TG: variants seen among roughly 807,000 people sequenced by gnomAD.
TG encodes thyroglobulin.
A neutral mutation model predicts 324.7 loss-of-function variants in TG; 270 were observed. That is an observed-to-expected ratio of 0.83 (90% CI 0.75 to 0.92). TG has a LOEUF of 0.92. TG is among the 40% of genes least tolerant of loss of function. The probability of loss-of-function intolerance (pLI) is 0.00; values close to 1 mark genes in which losing one functional copy is unlikely to be tolerated. For synonymous variants in TG, 1,401 were observed against 1,327.0 expected, an observed-to-expected ratio of 1.06 and a Z score of -1.21; for missense variants, 3,591 against 3,456.4, an observed-to-expected ratio of 1.04 and a Z score of -0.98.
chr8:132,882,048 A>G (rs568914924), intron 6 of TG, 79 bp downstream of exon 6: 1 of 1,068,344 alleles, frequency 9.4e-7, no homozygotes, highest in East Asian at 2.4e-5. Context: ...CATTGCTTGT[A>G]AAGCACAGCT....
At position 132,882,557 on chromosome 8, in the gene TG, G is replaced by C. The variant is rs758249329; in HGVS notation, c.834G>C (p.Arg278=). 1 of 1,614,184 alleles carries C rather than the reference G, an allele frequency of 6.2e-7. No individual in the cohort carries two copies. Among genetic ancestry groups the C allele is most frequent in the Non-Finnish European group, 8.5e-7 (1 of 1,180,038 alleles). The change falls in exon 7 of 48, where the codon CGG becomes CGC. Residue 278 remains arginine (R), a synonymous_variant. Transcript: ENST00000220616. The stretch of plus-strand genomic sequence containing the variant: ...CCTTCACTGAAACCACCCTGTACCG[G>C]ATACTGCAGAGACGGTTCCTCGCAG... ...PSTFTETTLY[R]ILQRRFLAVQ...
At chr8:132,944,268 C>G (rs115400286) in intron 26 of TG, among the ~76,000 whole-genome samples, 3,715 of 152,166 alleles carry the variant, frequency 0.024, 147 homozygotes, top group African/African-American at 0.085. Flanking sequence ...GCATTTAAGC[C>G]TGTATTATTA....
At position 132,893,769 on chromosome 8, in the gene TG, C is replaced by T. The variant is rs1239146438; in HGVS notation, c.2841C>T (p.Asn947=). The T allele has an allele frequency of 6.2e-7, 1 of 1,613,848 alleles. No individual in the cohort carries two copies. The highest frequency in any genetic ancestry group is 1.3e-5 in the African/African-American group (1 of 74,852). Residue 947 remains asparagine, a synonymous_variant, in exon 11 of 48, where the codon AAC becomes AAT. Coordinates refer to ENST00000220616, the MANE Select transcript of TG (RefSeq NM_003235.5). ...RETEEIVSAS[N]SSRFPLGESF... The stretch of plus-strand genomic sequence containing the variant: ...CGGAAGAGATTGTTTCAGCTTCCAA[C>T]AGTTCTCGGTTCCCTCTGGGGGAGA...
chr8:132,912,530 G>A (rs982432941), intron 19 of TG, among the ~76,000 whole-genome samples: 22 of 152,000 alleles, frequency 1.4e-4, no homozygotes, highest in African/African-American at 4.8e-4. Flanking sequence ...GAGACCTCTC[G>A]GTGTTTAGCT....
At chr8:132,988,804 T>C (rs975261769) in intron 35 of TG, 39 of 985,314 alleles carry the variant, frequency 4.0e-5, no homozygotes, top group Non-Finnish European at 4.6e-5. Flanking sequence ...ACCCCTTCCC[T>C]GCTTCCCAAA....
chr8:132,943,247 C>T (rs980825632), intron 26 of TG, among the ~76,000 whole-genome samples: 4 of 152,078 alleles, frequency 2.6e-5, no homozygotes, highest in South Asian at 4.1e-4. Context: ...GTGCTATCCT[C>T]GTGACAGTGA....
intron 23 of TG, among the ~76,000 whole-genome samples, chr8:132,932,515 C>T (rs2739058): frequency 0.4 from 61,471 of 152,112 alleles, 15,221 homozygotes; most frequent in Admixed American, 0.53. Context: ...TTACCTAATG[C>T]AAAAATCAGT....
In TG at chr8:132,919,370, T is replaced by A; in HGVS notation, c.4379-6T>A. ...TTTTTAACATCATTTCTCTGTTTTT[T>A]TCTAGTTAAGTGTCCTGAAGGAAGC... is the stretch of plus-strand genomic sequence containing the variant. On this transcript the variant is annotated splice_region_variant and splice_polypyrimidine_tract_variant and intron_variant, in intron 20 of 47. Coordinates refer to ENST00000220616, the MANE Select transcript of TG (RefSeq NM_003235.5). 6.2e-7 allele frequency: 1 copy of A among 1,613,808 alleles called. No homozygotes were observed. Among genetic ancestry groups the A allele is most frequent in the Non-Finnish European group, 8.5e-7 (1 of 1,179,850 alleles).
chr8:132,925,716 G>A (rs1821772071), intron 22 of TG, among the ~76,000 whole-genome samples: 1 of 152,156 alleles, frequency 6.6e-6, no homozygotes, highest in African/African-American at 2.4e-5. Context: ...AATACAACTT[G>A]CCCTGCGGCC....
intron 41 of TG, among the ~76,000 whole-genome samples, chr8:133,078,318 G>A (rs1213658630): frequency 6.6e-6 from 1 of 152,214 alleles, no homozygotes; most frequent in Non-Finnish European, 1.5e-5. Context: ...GAGCATGTGA[G>A]CCACGAGCTG....
Position 132,912,964 on chromosome 8 carries a change from T to A in TG, c.4160-83T>A. ...ATGTCTCATTCCAGTCTGGATATTC[T>A]AGGCATCTCTGCCCTGCTTAATCCT... is the stretch of plus-strand genomic sequence containing the variant. On this transcript the variant is annotated intron_variant, in intron 19 of 47. Transcript: ENST00000220616. The A allele has an allele frequency of 4.7e-6, 6 of 1,285,368 alleles. No homozygotes were observed. In the South Asian group the frequency reaches 5.0e-5, roughly 11 times the overall value. The allele number at this position is 1,285,368 out of a possible 1,614,324, so 79.6% of individuals were successfully genotyped here.
intron 34 of TG, among the ~76,000 whole-genome samples, chr8:132,982,950 A>T (rs149973961): frequency 6.6e-6 from 1 of 152,288 alleles, no homozygotes; most frequent in East Asian, 1.9e-4. Flanking sequence ...AAAAGAAATG[A>T]TGTGTGTCAC....
intron 27 of TG, among the ~76,000 whole-genome samples, chr8:132,958,382 TC>T (rs1827244991): frequency 6.6e-6 from 1 of 151,592 alleles, no homozygotes; most frequent in South Asian, 2.1e-4. Flanking sequence ...TATCTATCTA[TC>T]TATCTATCTT....
chr8:132,908,178 G>A lies in TG; in HGVS notation c.3848-8G>A. 6.2e-7 allele frequency: 1 copy of A among 1,613,700 alleles called. No individual in the cohort carries two copies. The highest frequency in any genetic ancestry group is 8.5e-7 in the Non-Finnish European group (1 of 1,180,000). On this transcript the variant is annotated splice_region_variant and splice_polypyrimidine_tract_variant and intron_variant, in intron 17 of 47. Transcript: ENST00000220616. ...TTGCCTCTGCTGATCTCTGGTGCTT[G>A]CCTGCAGGGCCCCAGCTGTGGCAGA...
chr8:133,090,095 C>T (rs1163518838), intron 41 of TG: 1 of 152,338 alleles, frequency 6.6e-6, no homozygotes, highest in East Asian at 1.9e-4. Context: ...GAGACTTATG[C>T]TTCTTTGTGA....
At chr8:133,020,599 C>T (rs1835472293) in intron 39 of TG, among the ~76,000 whole-genome samples, 1 of 152,110 alleles carries the variant, frequency 6.6e-6, no homozygotes, top group Admixed American at 6.5e-5. Context: ...TTCTCTGTGG[C>T]ATTTAAAAAG....
intron 28 of TG, among the ~76,000 whole-genome samples, chr8:132,961,326 G>A (rs1046642076): frequency 6.6e-5 from 10 of 152,190 alleles, no homozygotes; most frequent in African/African-American, 2.4e-4. Context: ...GCGAGATAAA[G>A]CTTGCTGACC....
intron 35 of TG, chr8:133,002,798 G>A: frequency 4.2e-6 from 1 of 239,562 alleles, no homozygotes; most frequent in South Asian, 5.9e-5. Context: ...AGTGCTTAAT[G>A]TGCTCAATAC....
intron 35 of TG, among the ~76,000 whole-genome samples, chr8:132,990,181 T>TATAA: frequency 7.2e-6 from 1 of 139,824 alleles, no homozygotes; most frequent in South Asian, 2.3e-4. Flanking sequence ...TATATATATA[T>TATAA]AATATACATG....
Sources: allele counts gnomAD v4.1 joint callset (sites outside exome capture counted in the v4.1 genomes callset), GRCh38; gene constraint gnomAD v4.1.1; transcripts MANE v1.5; gene names NCBI Gene and HGNC (gene_info 2026-07-23, HGNC 2026-07-21).